The following ROBO1 variants were observed in gnomAD, a reference collection of about 807,000 sequenced individuals.
The protein encoded by ROBO1 is roundabout homolog 1.
A neutral mutation model predicts 195.9 loss-of-function variants in ROBO1; 149 were observed. The ratio of observed to expected loss-of-function variants is 0.76; its 90% CI spans 0.67 to 0.87. The LOEUF (loss-of-function observed/expected upper bound fraction) is 0.87. Among genes scored for constraint, ROBO1 ranks in the 40% least tolerant of loss-of-function variants. The pLI, the probability that ROBO1 is intolerant of heterozygous loss-of-function variation, is 0.00. For missense variants in ROBO1, 1,933 were observed against 2,068.3 expected, an observed-to-expected ratio of 0.93 and a Z score of 1.27; for synonymous variants, 816 against 733.2, an observed-to-expected ratio of 1.11 and a Z score of -1.82.
chr3:79,117,419 C>T (rs1249943229), intron 3 of ROBO1, among the ~76,000 whole-genome samples: 2 of 152,016 alleles, frequency 1.3e-5, no homozygotes, highest in Admixed American at 6.6e-5. Flanking sequence ...CTGCTGAAGC[C>T]TGTAAAGCCA....
At chr3:79,182,665 A>G (rs1416666371) in intron 2 of ROBO1, among the ~76,000 whole-genome samples, 2 of 152,246 alleles carry the variant, frequency 1.3e-5, no homozygotes, top group East Asian at 3.9e-4. Context: ...CCTAGAGGAC[A>G]TATAAAGAGG....
chr3:79,141,517 T>G (rs1576727864), intron 2 of ROBO1, among the ~76,000 whole-genome samples: 1 of 151,850 alleles, frequency 6.6e-6, no homozygotes, highest in African/African-American at 2.4e-5. Context: ...TTCATTCATT[T>G]CCATTGATTT....
chr3:78,739,142 C>T (rs559626248), intron 5 of ROBO1, among the ~76,000 whole-genome samples: 1 of 152,240 alleles, frequency 6.6e-6, no homozygotes, highest in South Asian at 2.1e-4. Flanking sequence ...GTCTTTTAAG[C>T]TCTTCTTCTT....
intron 2 of ROBO1, among the ~76,000 whole-genome samples, chr3:79,277,277 C>A (rs1297449157): frequency 6.6e-6 from 1 of 152,010 alleles, no homozygotes; most frequent in African/African-American, 2.4e-5. Context: ...CAATAGAGTA[C>A]TATTCAGCCA....
chr3:78,751,296 T>TAAG (rs2082789664), intron 4 of ROBO1, among the ~76,000 whole-genome samples: 1 of 126,498 alleles, frequency 7.9e-6, no homozygotes, highest in Non-Finnish European at 1.6e-5. Flanking sequence ...ACATAAATAG[T>TAAG]AATAATAATA....
intron 3 of ROBO1, among the ~76,000 whole-genome samples, chr3:79,035,543 G>C (rs1486583538): frequency 3.3e-5 from 5 of 151,974 alleles, no homozygotes; most frequent in Non-Finnish European, 5.9e-5. Flanking sequence ...AACATAGTGA[G>C]ACCTCATCTC....
intron 5 of ROBO1, among the ~76,000 whole-genome samples, chr3:78,722,943 TAATTA>T (rs1395682276): frequency 6.6e-6 from 1 of 152,146 alleles, no homozygotes; most frequent in Non-Finnish European, 1.5e-5. Flanking sequence ...ATTATTATTA[TAATTA>T]TTTATTACAC....
intron 4 of ROBO1, among the ~76,000 whole-genome samples, chr3:78,775,614 C>G (rs1476455557): frequency 6.6e-6 from 1 of 152,130 alleles, no homozygotes; most frequent in African/African-American, 2.4e-5. Flanking sequence ...GTGCAAAGAT[C>G]TTTCTTCAAT....
chr3:78,800,642 C>T (rs971950322), intron 4 of ROBO1, among the ~76,000 whole-genome samples: 1 of 152,058 alleles, frequency 6.6e-6, no homozygotes, highest in Non-Finnish European at 1.5e-5. Flanking sequence ...CTGCAACCTC[C>T]GCCACCTGGG....
At chr3:79,684,975 G>GTA (rs745810171) in intron 1 of ROBO1, among the ~76,000 whole-genome samples, 16 of 152,004 alleles carry the variant, frequency 1.1e-4, no homozygotes, top group Non-Finnish European at 2.1e-4. Flanking sequence ...ATTTTAAGTA[G>GTA]TATAATGTGG....
chr3:79,098,928 A>G (rs952572900), intron 3 of ROBO1, among the ~76,000 whole-genome samples: 1 of 151,734 alleles, frequency 6.6e-6, no homozygotes, highest in East Asian at 1.9e-4. Flanking sequence ...AACAATCACT[A>G]TGAAATTTCC....
intron 1 of ROBO1, among the ~76,000 whole-genome samples, chr3:79,622,598 C>T (rs1312190354): frequency 6.6e-6 from 1 of 152,206 alleles, no homozygotes; most frequent in Non-Finnish European, 1.5e-5. Context: ...GAGGCCTGAC[C>T]CTGACCCATC....
Position 79,589,810 on chromosome 3 carries a change from T to C in ROBO1, c.88+14A>G. 1 of 1,602,030 alleles carries C rather than the reference T, an allele frequency of 6.2e-7. No individual in the cohort carries two copies. The highest frequency in any genetic ancestry group is 8.5e-7 in the Non-Finnish European group (1 of 1,170,396). On this transcript the variant is annotated intron_variant, in intron 2 of 30. Transcript: ENST00000464233. ...ACTGGTTAAGTATTGATGAAACAAA[T>C]GCACAGCACTTACCTGGAATAAGCT...
At position 78,990,242 on chromosome 3, in the gene ROBO1, T is replaced by C. The variant is rs375764286; in HGVS notation, c.173-51315A>G. On this transcript the variant is annotated intron_variant, in intron 3 of 30. Transcript: ENST00000464233. Reference sequence around the variant, plus strand: ...TGGCGATATGCCATTTTGGTCATACTGAATGTGTAAGAATAAATGAATAAA... The same window carrying C: ...TGGCGATATGCCATTTTGGTCATACCGAATGTGTAAGAATAAATGAATAAA... Among the ~76,000 whole-genome samples the C allele has an allele frequency of 4.8e-4, 73 of 152,348 alleles. No individual in the cohort carries two copies. In the East Asian group the frequency reaches 0.012, roughly 24 times the overall value.
intron 2 of ROBO1, among the ~76,000 whole-genome samples, chr3:79,443,980 G>GA (rs551952906): frequency 5.8e-4 from 73 of 126,856 alleles, no homozygotes; most frequent in South Asian, 1.8e-3. Context: ...CACATGAAAA[G>GA]AAAAAAAAAA....
chr3:79,732,356 G>T (rs1020761945), intron 1 of ROBO1, among the ~76,000 whole-genome samples: 1 of 145,640 alleles, frequency 6.9e-6, no homozygotes. Flanking sequence ...ATTTAAAAAA[G>T]ATATTAATAT....
At chr3:79,226,057 A>C (rs906887187) in intron 2 of ROBO1, among the ~76,000 whole-genome samples, 1 of 152,174 alleles carries the variant, frequency 6.6e-6, no homozygotes, top group Non-Finnish European at 1.5e-5. Flanking sequence ...CCTTATAAGA[A>C]AACCATTTTT....
At chr3:79,083,326 A>G (rs1420991436) in intron 3 of ROBO1, among the ~76,000 whole-genome samples, 2 of 152,200 alleles carry the variant, frequency 1.3e-5, no homozygotes. Flanking sequence ...AGGGGAAAAT[A>G]TTAAATATTT....
intron 4 of ROBO1, among the ~76,000 whole-genome samples, chr3:78,786,137 C>T (rs2108503939): frequency 6.6e-6 from 1 of 152,182 alleles, no homozygotes; most frequent in East Asian, 1.9e-4. Flanking sequence ...AAATTGATTC[C>T]ATGACTTCCA....
Sources: allele counts gnomAD v4.1 joint callset (sites outside exome capture counted in the v4.1 genomes callset), GRCh38; gene constraint gnomAD v4.1.1; transcripts MANE v1.5; gene names NCBI Gene and HGNC (gene_info 2026-07-23, HGNC 2026-07-21).